TTC29: variants seen among roughly 807,000 people sequenced by gnomAD.
TTC29 encodes the protein tetratricopeptide repeat domain 29.
A neutral mutation model predicts 58.1 loss-of-function variants in TTC29; 49 were observed. That is an observed-to-expected ratio of 0.84 (90% CI 0.67 to 1.07). The LOEUF is 1.07. TTC29 is among the 50% of genes least tolerant of loss of function. The pLI, the probability that TTC29 is intolerant of heterozygous loss-of-function variation, is 0.00. For synonymous variants in TTC29, 209 were observed against 196.8 expected (o/e 1.06, Z -0.52); for missense variants, 582 against 555.6 (o/e 1.05, Z -0.48).
chr4:146,855,639 ATGTTAT>A (rs1428684500), intron 8 of TTC29, among the ~76,000 whole-genome samples: 1 of 152,146 alleles, frequency 6.6e-6, no homozygotes, highest in Non-Finnish European at 1.5e-5. Context: ...ATCCTAGCAT[ATGTTAT>A]TGTTATTGTG....
At chr4:146,913,269 C>T (rs72960319) in intron 4 of TTC29, among the ~76,000 whole-genome samples, 24,009 of 151,932 alleles carry the variant, frequency 0.16, 3,029 homozygotes, top group African/African-American at 0.34. Context: ...ATAAATGATA[C>T]AAATAAATGC....
chr4:146,867,505 G>C lies in TTC29; in HGVS notation c.878C>G (p.Ala293Gly). The C allele has an allele frequency of 6.7e-7, 1 of 1,502,912 alleles. No individual in the cohort carries two copies. Among genetic ancestry groups the C allele is most frequent in the Non-Finnish European group, 8.9e-7 (1 of 1,119,260 alleles). The allele number at this position is 1,502,912 out of a possible 1,614,324, so 93.1% of individuals were successfully genotyped here. The change falls in exon 8 of 13, where the codon GCA becomes GGA. Residue 293 changes from alanine (A) to glycine (G), a missense_variant. Coordinates refer to ENST00000325106, the MANE Select transcript of TTC29 (RefSeq NM_031956.4). ...AHLAAEEYET[A>G]LTVLDTYCKI... ...ATTAAAAGTTTAGCTTACTGTTAATGCTGTTTCATATTCCTCAGCAGCTAA... is the reference window on the plus strand; with the variant it reads ...ATTAAAAGTTTAGCTTACTGTTAATCCTGTTTCATATTCCTCAGCAGCTAA...
chr4:146,932,369 G>A (rs565024771), intron 4 of TTC29, among the ~76,000 whole-genome samples: 134 of 152,232 alleles, frequency 8.8e-4, no homozygotes, highest in African/African-American at 3.2e-3. Context: ...CCTCCATAGA[G>A]AATTTATTAC....
chr4:146,779,004 G>GAAAAGAAAAGA (rs70958527), intron 11 of TTC29, among the ~76,000 whole-genome samples: 27,793 of 79,590 alleles, frequency 0.35, 3,472 homozygotes, highest in African/African-American at 0.47. Flanking sequence ...AAAAAAAAAA[G>GAAAAGAAAAGA]AAAAGAAAAG....
chr4:146,831,850 T>C, intron 9 of TTC29: 1 of 309,542 alleles, frequency 3.2e-6, no homozygotes, highest in Non-Finnish European at 6.8e-6. Flanking sequence ...GGCATTTCAA[T>C]ATTTGTCCAG....
At chr4:146,875,453 C>A (rs995482847) in intron 6 of TTC29, among the ~76,000 whole-genome samples, 2 of 152,100 alleles carry the variant, frequency 1.3e-5, no homozygotes, top group Non-Finnish European at 2.9e-5. Flanking sequence ...TACTCTCAAC[C>A]AATATCCTCT....
intron 11 of TTC29, among the ~76,000 whole-genome samples, chr4:146,765,796 C>G (rs964093421): frequency 1.3e-5 from 2 of 152,102 alleles, no homozygotes; most frequent in Non-Finnish European, 2.9e-5. Context: ...TGATGATACT[C>G]TATGACTGAT....
chr4:146,740,105 A>G (rs973609830), intron 11 of TTC29, among the ~76,000 whole-genome samples: 1 of 152,214 alleles, frequency 6.6e-6, no homozygotes, highest in Non-Finnish European at 1.5e-5. Context: ...GAGGCTCCAC[A>G]TGCTGACTGG....
chr4:146,738,817 G>C (rs1197920809), intron 11 of TTC29, among the ~76,000 whole-genome samples: 1 of 152,036 alleles, frequency 6.6e-6, no homozygotes, highest in Non-Finnish European at 1.5e-5. Context: ...ACGTCATGAA[G>C]CTTCCATAAA....
At chr4:146,757,835 T>C (rs925262372) in intron 11 of TTC29, among the ~76,000 whole-genome samples, 2 of 151,916 alleles carry the variant, frequency 1.3e-5, no homozygotes, top group African/African-American at 4.8e-5. Context: ...AAACAAATCC[T>C]GGAAACACAT....
At chr4:146,905,450 A>G (rs1733460402) in intron 5 of TTC29, among the ~76,000 whole-genome samples, 1 of 151,294 alleles carries the variant, frequency 6.6e-6, no homozygotes, top group Non-Finnish European at 1.5e-5. Context: ...GGAATGAGTT[A>G]GATAAGCTAC....
At chr4:146,914,783 A>C (rs565451822) in intron 4 of TTC29, among the ~76,000 whole-genome samples, 1 of 152,254 alleles carries the variant, frequency 6.6e-6, no homozygotes, top group South Asian at 2.1e-4. Flanking sequence ...AGATGTTGTT[A>C]ATTGTTTTGA....
chr4:146,825,672 T>C (rs1301698350), intron 9 of TTC29, among the ~76,000 whole-genome samples: 3 of 152,176 alleles, frequency 2.0e-5, no homozygotes, highest in Non-Finnish European at 4.4e-5. Flanking sequence ...ATTTTCTGTC[T>C]CGTTAATCTG....
At chr4:146,781,773 G>A (rs1480739795) in intron 11 of TTC29, among the ~76,000 whole-genome samples, 1 of 151,834 alleles carries the variant, frequency 6.6e-6, no homozygotes, top group Non-Finnish European at 1.5e-5. Context: ...GCTTTGAAGT[G>A]TTTTCACTTT....
chr4:146,941,992 G>C (rs1736447936), intron 2 of TTC29, among the ~76,000 whole-genome samples: 1 of 152,224 alleles, frequency 6.6e-6, no homozygotes, highest in Non-Finnish European at 1.5e-5. Flanking sequence ...CCATGGTGGA[G>C]GTAGGGGTGC....
At chr4:146,876,136 CCTTA>C (rs2150224857) in intron 6 of TTC29, among the ~76,000 whole-genome samples, 1 of 152,238 alleles carries the variant, frequency 6.6e-6, no homozygotes, top group East Asian at 1.9e-4. Context: ...TCTCTCTGTG[CCTTA>C]CTTTATTCTT....
chr4:146,791,360 T>C (rs1749435254), intron 11 of TTC29, among the ~76,000 whole-genome samples: 1 of 152,200 alleles, frequency 6.6e-6, no homozygotes, highest in African/African-American at 2.4e-5. Flanking sequence ...TTACTATTAA[T>C]ATTATTATCA....
chr4:146,817,999 T>A (rs1275738518), intron 10 of TTC29, among the ~76,000 whole-genome samples: 6 of 152,020 alleles, frequency 3.9e-5, no homozygotes, highest in South Asian at 2.1e-4. Context: ...AACCTAGGCA[T>A]TACCATTCAG....
chr4:146,754,269 C>A (rs753413468), intron 11 of TTC29, among the ~76,000 whole-genome samples: 1 of 151,634 alleles, frequency 6.6e-6, no homozygotes, highest in Non-Finnish European at 1.5e-5. Flanking sequence ...ATAAAGCCTA[C>A]CAAGATTGAG....
Sources: gnomAD v4.1 joint callset for allele counts (sites outside exome capture counted in the v4.1 genomes callset) on GRCh38, gnomAD v4.1.1 for gene constraint, MANE v1.5 for transcripts, NCBI Gene and HGNC (gene_info 2026-07-23, HGNC 2026-07-21) for gene names.